Variants in GAP43 observed in about 807,000 individuals in gnomAD.
The protein encoded by GAP43 is neuromodulin.
GAP43 carries 6 observed loss-of-function variants against 18.6 expected under a neutral mutation model. The ratio of observed to expected loss-of-function variants is 0.32; its 90% CI spans 0.18 to 0.64. GAP43 has a LOEUF of 0.64. Ranked by LOEUF, GAP43 falls within the 30% of genes least tolerant of loss-of-function variation. GAP43 has a pLI of 0.78. For missense variants in GAP43, 292 were observed against 295.5 expected (o/e 0.99, Z 0.09); for synonymous variants, 115 against 111.4 (o/e 1.03, Z -0.20).
chr3:115,667,874 C>T (rs1252793255), intron 1 of GAP43, among the ~76,000 whole-genome samples: 3 of 152,160 alleles, frequency 2.0e-5, no homozygotes, highest in African/African-American at 4.8e-5. Flanking sequence ...TGGGGAGTTC[C>T]ACCCTTTTGT....
At chr3:115,647,211 T>C (rs1238287839) in intron 1 of GAP43, among the ~76,000 whole-genome samples, 1 of 151,964 alleles carries the variant, frequency 6.6e-6, no homozygotes, top group African/African-American at 2.4e-5. Context: ...TGTGAGAACA[T>C]GAGAAGGCTC....
intron 1 of GAP43, among the ~76,000 whole-genome samples, chr3:115,625,713 C>G (rs140005803): frequency 2.0e-5 from 3 of 152,246 alleles, no homozygotes; most frequent in African/African-American, 7.2e-5. Flanking sequence ...AGACAGCTGC[C>G]TTCCCTGGGG....
chr3:115,685,981 G>C (rs1244707034), intron 2 of GAP43, among the ~76,000 whole-genome samples: 4 of 152,088 alleles, frequency 2.6e-5, no homozygotes, highest in Non-Finnish European at 5.9e-5. Context: ...CTGGTAAACT[G>C]GCTCTCCAAA....
chr3:115,711,168 A>G (rs955571040), intron 2 of GAP43, among the ~76,000 whole-genome samples: 1 of 152,140 alleles, frequency 6.6e-6, no homozygotes, highest in Non-Finnish European at 1.5e-5. Context: ...CAAGCTTTAG[A>G]TTTCTGTGGT....
intron 1 of GAP43, among the ~76,000 whole-genome samples, chr3:115,672,432 TAACAAAATACAC>T (rs934442606): frequency 8.5e-5 from 13 of 152,148 alleles, no homozygotes; most frequent in Non-Finnish European, 1.5e-4. Context: ...CTCCTTGTCT[TAACAAAATACAC>T]AACAAAATAC....
At chr3:115,697,429 T>C (rs1177389756) in intron 2 of GAP43, among the ~76,000 whole-genome samples, 1 of 152,208 alleles carries the variant, frequency 6.6e-6, no homozygotes, top group Non-Finnish European at 1.5e-5. Context: ...GTACATTCTT[T>C]GGTGACTCAT....
chr3:115,715,862 A>G (rs1709496004), intron 2 of GAP43, among the ~76,000 whole-genome samples: 1 of 152,194 alleles, frequency 6.6e-6, no homozygotes, highest in Non-Finnish European at 1.5e-5. Flanking sequence ...GGGCAAAGGT[A>G]AAACCAGGGA....
At chr3:115,701,181 G>A (rs918054422) in intron 2 of GAP43, among the ~76,000 whole-genome samples, 1 of 152,048 alleles carries the variant, frequency 6.6e-6, no homozygotes, top group Non-Finnish European at 1.5e-5. Context: ...GTTTGGAAGA[G>A]GTCTACCTTG....
At chr3:115,698,669 G>C (rs919390084) in intron 2 of GAP43, among the ~76,000 whole-genome samples, 1 of 151,882 alleles carries the variant, frequency 6.6e-6, no homozygotes. Context: ...TGAGGGTGTG[G>C]GGGTGTCAGT....
At chr3:115,712,057 A>T (rs1477581364) in intron 2 of GAP43, among the ~76,000 whole-genome samples, 1 of 152,154 alleles carries the variant, frequency 6.6e-6, no homozygotes, top group Non-Finnish European at 1.5e-5. Flanking sequence ...GATTTGATAG[A>T]CATTTTTTAT....
At chr3:115,659,610 T>C (rs1421053930) in intron 1 of GAP43, among the ~76,000 whole-genome samples, 4 of 147,914 alleles carry the variant, frequency 2.7e-5, no homozygotes, top group Non-Finnish European at 6.1e-5. Flanking sequence ...AAAATTAAAA[T>C]AAAATATTAG....
At chr3:115,703,949 T>C (rs1020246730) in intron 2 of GAP43, among the ~76,000 whole-genome samples, 1 of 152,108 alleles carries the variant, frequency 6.6e-6, no homozygotes, top group African/African-American at 2.4e-5. Context: ...AATATCACTT[T>C]TTCAATATAG....
In GAP43 at chr3:115,633,971, A is replaced by G. The variant is rs572328487; in HGVS notation, c.30+10252A>G. ...TGAATTAATTCCAGCAATAATAACC[A>G]CATTTATCTATTTTTAGCAAATTGG... On this transcript the variant is annotated intron_variant, in intron 1 of 2. Coordinates refer to ENST00000305124, the MANE Select transcript of GAP43 (RefSeq NM_002045.4). 5.3e-5 allele frequency among the ~76,000 whole-genome samples: 8 copies of G among 152,298 alleles called. 1 individual carries two copies. Among genetic ancestry groups the G allele is most frequent in the African/African-American group, 1.9e-4 (8 of 41,582 alleles).
chr3:115,655,052 T>G (rs1259175100), intron 1 of GAP43, among the ~76,000 whole-genome samples: 1 of 152,172 alleles, frequency 6.6e-6, no homozygotes, highest in Admixed American at 6.5e-5. Flanking sequence ...AATAAATCTT[T>G]GATTATAAAG....
intron 1 of GAP43, among the ~76,000 whole-genome samples, chr3:115,665,187 C>A (rs890397784): frequency 3.3e-5 from 5 of 152,158 alleles, no homozygotes; most frequent in South Asian, 4.1e-4. Context: ...AGAAAAATCA[C>A]TCAGCTCTCT....
chr3:115,633,083 G>C (rs1021062402), intron 1 of GAP43, among the ~76,000 whole-genome samples: 1 of 152,044 alleles, frequency 6.6e-6, no homozygotes, highest in Non-Finnish European at 1.5e-5. Flanking sequence ...ATGGGAACCA[G>C]GGTAGAATTT....
chr3:115,630,168 G>A (rs1292431428), intron 1 of GAP43, among the ~76,000 whole-genome samples: 2 of 152,212 alleles, frequency 1.3e-5, no homozygotes, highest in East Asian at 1.9e-4. Context: ...CAAATAGACC[G>A]TAAATCAATC....
intron 2 of GAP43, among the ~76,000 whole-genome samples, chr3:115,706,172 C>T (rs1709360782): frequency 8.2e-6 from 1 of 122,074 alleles, no homozygotes; most frequent in Non-Finnish European, 1.7e-5. Context: ...GAAATGAGAA[C>T]TTTCTCACAA....
chr3:115,707,819 T>TG (rs1464705952), intron 2 of GAP43, among the ~76,000 whole-genome samples: 1 of 152,174 alleles, frequency 6.6e-6, no homozygotes, highest in African/African-American at 2.4e-5. Context: ...AGAATAGCAT[T>TG]GGGGTTCCTT....
Sources: gnomAD v4.1 joint callset for allele counts (sites outside exome capture counted in the v4.1 genomes callset) on GRCh38, gnomAD v4.1.1 for gene constraint, MANE v1.5 for transcripts, NCBI Gene and HGNC (gene_info 2026-07-23, HGNC 2026-07-21) for gene names.